The following CYRIB variants were observed in gnomAD, a reference collection of about 807,000 sequenced individuals.
CYRIB encodes CYFIP related Rac1 interactor B.
In CYRIB, 8 loss-of-function variants were observed where a neutral mutation model predicts 44.2. The ratio of observed to expected loss-of-function variants is 0.18; its 90% CI spans 0.11 to 0.33. The LOEUF (loss-of-function observed/expected upper bound fraction) is 0.33. Ranked by LOEUF, CYRIB falls within the 10% of genes least tolerant of loss-of-function variation. The pLI is 1.00. For synonymous variants in CYRIB, 131 were observed against 127.2 expected, an observed-to-expected ratio of 1.03 and a Z score of -0.20; for missense variants, 185 against 382.8, an observed-to-expected ratio of 0.48 and a Z score of 4.31.
At chr8:129,970,743 G>T (rs1026200664) in intron 2 of CYRIB, 200 bp downstream of exon 2, 1 of 152,174 alleles carries the variant, frequency 6.6e-6, no homozygotes, top group African/African-American at 2.4e-5. Context: ...TTCATGGAAT[G>T]AATGAATATT....
In CYRIB at chr8:129,950,097, G is replaced by A. The variant is rs2131288631; in HGVS notation, c.-243+20846C>T. ...AACTCTTAAATAAATGTATGTACCTGATTATCTTGGCTTTTGACATTTGCT... is the reference window on the plus strand; with the variant it reads ...AACTCTTAAATAAATGTATGTACCTAATTATCTTGGCTTTTGACATTTGCT... On this transcript the variant is annotated intron_variant, in intron 2 of 14. Transcript: ENST00000401979. 3.3e-5 allele frequency among the ~76,000 whole-genome samples: 5 copies of A among 152,236 alleles called. No individual in the cohort carries two copies. In the South Asian group the frequency reaches 1.0e-3, roughly 32 times the overall value.
chr8:129,841,503 T>C (rs1286241630), exon 12 of CYRIB: 1 of 152,636 alleles, frequency 6.6e-6, no homozygotes, highest in East Asian at 1.9e-4. Flanking sequence ...TATTTTATCA[T>C]CAACAGCCAT....
At chr8:129,848,414 G>A (rs958207709) in intron 10 of CYRIB, among the ~76,000 whole-genome samples, 1 of 152,214 alleles carries the variant, frequency 6.6e-6, no homozygotes, top group Non-Finnish European at 1.5e-5. Context: ...GTTGGGGAAA[G>A]AAACTACGAA....
At chr8:129,940,199 A>T (rs2093574000), upstream of CYRIB, among the ~76,000 whole-genome samples, 1 of 152,164 alleles carries the variant, frequency 6.6e-6, no homozygotes, top group African/African-American at 2.4e-5. Context: ...TGGAAATGGC[A>T]GGAACTGGAC....
chr8:129,975,126 A>G (rs1241895219), intron 1 of CYRIB, among the ~76,000 whole-genome samples: 3 of 151,738 alleles, frequency 2.0e-5, no homozygotes, highest in Non-Finnish European at 4.4e-5. Flanking sequence ...GAATCCGCCC[A>G]CCTCAGCCTC....
At chr8:129,932,168 T>G (rs1032195166) in intron 1 of CYRIB, among the ~76,000 whole-genome samples, 1 of 151,890 alleles carries the variant, frequency 6.6e-6, no homozygotes, top group Non-Finnish European at 1.5e-5. Context: ...CCAGCTAATT[T>G]TTTGCATTTT....
At chr8:129,962,759 T>C (rs535420251) in intron 2 of CYRIB, among the ~76,000 whole-genome samples, 4 of 152,228 alleles carry the variant, frequency 2.6e-5, no homozygotes, top group African/African-American at 9.6e-5. Context: ...AGCAGCACGC[T>C]CCTGTTTGCT....
intron 2 of CYRIB, among the ~76,000 whole-genome samples, chr8:129,896,024 T>A: frequency 6.6e-6 from 1 of 152,242 alleles, no homozygotes. Flanking sequence ...TTTCTATTAT[T>A]TAGAACCATT....
At chr8:129,882,721 G>A (rs1045502894) in intron 2 of CYRIB, among the ~76,000 whole-genome samples, 6 of 152,060 alleles carry the variant, frequency 3.9e-5, no homozygotes, top group Non-Finnish European at 7.3e-5. Flanking sequence ...CCTACAGCTC[G>A]TTCTGTAAAC....
chr8:129,977,324 A>G (rs559659376), intron 1 of CYRIB, among the ~76,000 whole-genome samples: 20 of 152,296 alleles, frequency 1.3e-4, no homozygotes, highest in Admixed American at 1.2e-3. Context: ...TGGCTCACAC[A>G]TGAACTCTGC....
chr8:129,936,774 T>C (rs2092879095), intron 1 of CYRIB, among the ~76,000 whole-genome samples: 1 of 151,190 alleles, frequency 6.6e-6, no homozygotes, highest in East Asian at 2.0e-4. Flanking sequence ...TGGCGAGATC[T>C]TGGTTCACTG....
At chr8:129,856,666 CCA>C (rs1276410073) in intron 5 of CYRIB, among the ~76,000 whole-genome samples, 1 of 152,024 alleles carries the variant, frequency 6.6e-6, no homozygotes, top group Non-Finnish European at 1.5e-5. Context: ...TAAAAAAACC[CCA>C]GTTTTCCTAT....
chr8:129,951,834 T>C (rs1564367063), intron 2 of CYRIB, among the ~76,000 whole-genome samples: 1 of 152,194 alleles, frequency 6.6e-6, no homozygotes, highest in Non-Finnish European at 1.5e-5. Flanking sequence ...TTGTATTATG[T>C]TTATTGTCTT....
chr8:129,978,550 C>T (rs886327272), intron 1 of CYRIB, among the ~76,000 whole-genome samples: 1 of 152,208 alleles, frequency 6.6e-6, no homozygotes, highest in Admixed American at 6.5e-5. Context: ...AAAATGAATA[C>T]ATTTGGAGGA....
At chr8:129,864,812 G>T in intron 4 of CYRIB, 1 of 443,326 alleles carries the variant, frequency 2.3e-6, no homozygotes. Flanking sequence ...AATTCTTACT[G>T]GGTTGGTGAA....
intron 1 of CYRIB, among the ~76,000 whole-genome samples, chr8:130,005,945 C>G (rs1342426873): frequency 2.0e-5 from 3 of 152,136 alleles, no homozygotes; most frequent in African/African-American, 7.2e-5. Context: ...TTACCCTTAA[C>G]AGATATTTCT....
exon 11 of CYRIB, chr8:129,846,841 G>A (rs1334100507): frequency 1.3e-6 from 2 of 1,597,282 alleles, no homozygotes; most frequent in Non-Finnish European, 1.7e-6. Flanking sequence ...CTATTAGGAG[G>A]TTGGTCCTTA....
intron 1 of CYRIB, among the ~76,000 whole-genome samples, chr8:129,971,591 G>A (rs1005692034): frequency 2.0e-4 from 30 of 152,332 alleles, no homozygotes; most frequent in African/African-American, 6.5e-4. Flanking sequence ...TGGCTGGACT[G>A]TGTTGTCCTT....
At chr8:129,939,108 G>C (rs2093325002) in intron 1 of CYRIB, among the ~76,000 whole-genome samples, 1 of 152,130 alleles carries the variant, frequency 6.6e-6, no homozygotes, top group Non-Finnish European at 1.5e-5. Flanking sequence ...CAAAACCAGG[G>C]ACCAGGAGGG....
Sources: gnomAD v4.1 joint callset for allele counts (sites outside exome capture counted in the v4.1 genomes callset) on GRCh38, gnomAD v4.1.1 for gene constraint, MANE v1.5 for transcripts, NCBI Gene and HGNC (gene_info 2026-07-23, HGNC 2026-07-21) for gene names.